The following DENND11 variants were observed in gnomAD, a reference collection of about 807,000 sequenced individuals.
The protein encoded by DENND11 is DENN domain-containing protein 11.
In DENND11, 34 loss-of-function variants were observed where a neutral mutation model predicts 49.2. The ratio of observed to expected loss-of-function variants is 0.69; its 90% confidence interval spans 0.53 to 0.92. The LOEUF is 0.92. Ranked by LOEUF, DENND11 falls within the 40% of genes least tolerant of loss-of-function variation. The pLI, the probability that DENND11 is intolerant of heterozygous loss-of-function variation, is 0.00. For missense variants in DENND11, 475 were observed against 581.6 expected (o/e 0.82, Z 1.88); for synonymous variants, 238 against 230.3 (o/e 1.03, Z -0.30).
rs1562992399 is a variant in DENND11, at chr7:141,659,728, G to A, written c.*2928C>T. 6.6e-6 allele frequency: 1 copy of A among 152,290 alleles called. No homozygotes were observed. Among genetic ancestry groups the A allele is most frequent in the Non-Finnish European group, 1.5e-5 (1 of 68,110 alleles). 9.4% of individuals were successfully genotyped at this position (152,290 alleles called of 1,614,324 possible). On this transcript the variant is annotated 3_prime_UTR_variant, in exon 9 of 9. Transcript: ENST00000536163. Reference sequence around the variant, plus strand: ...TTCACAGGAGAACTAGGCCTGCTCAGGCAGGCGAGGGCTGAGGCCCGGCAG... The same window carrying A: ...TTCACAGGAGAACTAGGCCTGCTCAAGCAGGCGAGGGCTGAGGCCCGGCAG...
intron 1 of DENND11, among the ~76,000 whole-genome samples, chr7:141,695,962 A>G (rs747632768): frequency 6.6e-6 from 1 of 152,240 alleles, no homozygotes; most frequent in Non-Finnish European, 1.5e-5. Flanking sequence ...ATATTGGTGG[A>G]GCACAACTTG....
chr7:141,678,224 A>C (rs1379304323), intron 3 of DENND11, among the ~76,000 whole-genome samples: 3 of 152,174 alleles, frequency 2.0e-5, no homozygotes, highest in African/African-American at 4.8e-5. Context: ...CGGCCTCCCA[A>C]AGTGCTAGGA....
chr7:141,675,879 T>C (rs1181285555), intron 3 of DENND11, among the ~76,000 whole-genome samples: 2 of 152,162 alleles, frequency 1.3e-5, no homozygotes, highest in African/African-American at 4.8e-5. Flanking sequence ...TTTTAAGTTT[T>C]GACAAGGAGG....
intron 3 of DENND11, among the ~76,000 whole-genome samples, chr7:141,677,521 G>GTA (rs71522151): frequency 0.14 from 18,703 of 132,272 alleles, 1,321 homozygotes; most frequent in Middle Eastern, 0.16. Context: ...ATATATATAT[G>GTA]TATATATATA....
At chr7:141,670,607 A>G in intron 4 of DENND11, among the ~76,000 whole-genome samples, 1 of 152,208 alleles carries the variant, frequency 6.6e-6, no homozygotes, top group Non-Finnish European at 1.5e-5. Context: ...GTTTATTAGG[A>G]TGTAGCCCCA....
intron 1 of DENND11, among the ~76,000 whole-genome samples, chr7:141,696,857 G>C (rs1584728267): frequency 6.6e-6 from 1 of 152,306 alleles, no homozygotes; most frequent in South Asian, 2.1e-4. Flanking sequence ...TTGACTTTGG[G>C]TCTTACATGG....
chr7:141,674,457 T>C (rs1282586046), intron 3 of DENND11, among the ~76,000 whole-genome samples: 2 of 152,188 alleles, frequency 1.3e-5, no homozygotes, highest in Non-Finnish European at 2.9e-5. Context: ...GACAACACCA[T>C]GGAACACATT....
chr7:141,672,152 G>T (rs1022827935), intron 4 of DENND11, among the ~76,000 whole-genome samples: 5 of 152,182 alleles, frequency 3.3e-5, no homozygotes, highest in Admixed American at 2.6e-4. Flanking sequence ...CACTGGCTGT[G>T]CAGGGACCCC....
At chr7:141,686,464 AC>A (rs35707772) in intron 2 of DENND11, 94 bp downstream of exon 2, 303,131 of 757,144 alleles carry the variant, frequency 0.4, 63,986 homozygotes, top group East Asian at 0.5. Flanking sequence ...TACACACAGC[AC>A]ACGAAGACCT....
At chr7:141,684,200 G>T (rs1273780785) in intron 3 of DENND11, among the ~76,000 whole-genome samples, 1 of 152,150 alleles carries the variant, frequency 6.6e-6, no homozygotes, top group Non-Finnish European at 1.5e-5. Context: ...GCCTCCTAAA[G>T]TGCTGGGATT....
intron 4 of DENND11, among the ~76,000 whole-genome samples, chr7:141,668,314 CTG>C (rs1246794455): frequency 1.3e-5 from 2 of 151,736 alleles, no homozygotes; most frequent in African/African-American, 4.8e-5. Flanking sequence ...AGGCCGGGTG[CTG>C]TGACTCATGC....
intron 1 of DENND11, among the ~76,000 whole-genome samples, chr7:141,690,421 T>C (rs1341925846): frequency 6.6e-6 from 1 of 152,202 alleles, no homozygotes; most frequent in African/African-American, 2.4e-5. Flanking sequence ...TTCAGAAGTT[T>C]ACTCTCTTCC....
Position 141,662,589 on chromosome 7 carries a change from G to T in DENND11, c.*67C>A. On this transcript the variant is annotated 3_prime_UTR_variant, in exon 9 of 9. Transcript: ENST00000536163. ...CTTAATAAAAAATGAGGCCCTCTGG[G>T]GCCCTGGGGTGAACTCCGGGCTGCT... 2 of 1,197,024 alleles carry T rather than the reference G, an allele frequency of 1.7e-6. No homozygotes were observed. The highest frequency in any genetic ancestry group is 2.3e-6 in the Non-Finnish European group (2 of 885,020). 74.2% of individuals were successfully genotyped at this position (1,197,024 alleles called of 1,614,324 possible). A position where few individuals can be genotyped will look rare whatever the true frequency, so the allele number is the denominator to read the frequency against.
At chr7:141,672,369 G>C (rs1303717095) in intron 4 of DENND11, among the ~76,000 whole-genome samples, 2 of 152,200 alleles carry the variant, frequency 1.3e-5, no homozygotes, top group Non-Finnish European at 2.9e-5. Context: ...TCCATGGTTA[G>C]GTTACAAAGG....
intron 8 of DENND11, chr7:141,663,516 T>G (rs889434110): frequency 6.8e-6 from 1 of 147,328 alleles, no homozygotes; most frequent in African/African-American, 2.5e-5. Context: ...TGTGCTCAAG[T>G]CTCAGATACT....
rs1259964114 is a variant in DENND11 at position 141,658,339 on chromosome 7, C to T, written c.*4317G>A. On this transcript the variant is annotated 3_prime_UTR_variant, in exon 9 of 9. Transcript: ENST00000536163. ...TGATAAAAATGGAATATTAAAAATC[C>T]ATGACTTGGGAGTAAACGGAGCCCT... 2 of 152,116 alleles carry T rather than the reference C, an allele frequency of 1.3e-5. No individual in the cohort carries two copies. The highest frequency in any genetic ancestry group is 4.8e-5 in the African/African-American group (2 of 41,412). The allele number at this position is 152,116 out of a possible 1,614,324, so 9.4% of individuals were successfully genotyped here. A position where few individuals can be genotyped will look rare whatever the true frequency, so the allele number is the denominator to read the frequency against.
chr7:141,674,214 C>T lies in DENND11; in HGVS notation c.534G>A (p.Gln178=), dbSNP rs754467823. ...MHFLENQVRH[Q]LEMPGHYSHL... is the part of the protein sequence containing the mutation. ...GAGAGTAATGTCCTGGCATCTCCAA[C>T]TGGTGCCTGCAGAAAAACACACACA... Residue 178 remains glutamine (Q), a synonymous_variant, in exon 4 of 9, where the codon CAG becomes CAA. Coordinates refer to ENST00000536163, the MANE Select transcript of DENND11 (RefSeq NM_001080392.2). The T allele has an allele frequency of 1.7e-5, 27 of 1,544,888 alleles. 1 individual carries two copies. The South Asian group carries it at 3.1e-4, about 18-fold the overall frequency.
At position 141,674,166 on chromosome 7, in the gene DENND11, G is replaced by T. The variant is rs1225670769; in HGVS notation, c.582C>A (p.Asp194Glu). 4.5e-6 allele frequency: 7 copies of T among 1,563,318 alleles called. No individual in the cohort carries two copies. The highest frequency in any genetic ancestry group is 1.4e-5 in the African/African-American group (1 of 73,138). The change falls in exon 4 of 9, where the codon GAC becomes GAA. Residue 194 changes from aspartate to glutamate, a missense_variant. Physicochemically the swap from Asp to Glu is conservative, Grantham distance 45. Transcript: ENST00000536163. ...GACCAGCATGGAGCACCCCCTTTTT[G>T]TCCTCATAGAAGGCAGCCAGATGAG... is the stretch of plus-strand genomic sequence containing the variant. ...HYSHLAAFYE[D>E]KKGVLHAGPG... is the part of the protein sequence containing the mutation.
chr7:141,698,762 C>T lies in DENND11; in HGVS notation c.268+3124G>A, dbSNP rs1165033641. Reference sequence around the variant, plus strand: ...ACACACCCTTTCTAACAAGGATCCACCCCTCCTTTTCCCTCTTACTCTACT... The same window carrying T: ...ACACACCCTTTCTAACAAGGATCCATCCCTCCTTTTCCCTCTTACTCTACT... On this transcript the variant is annotated intron_variant, in intron 1 of 8. Coordinates refer to ENST00000536163, the MANE Select transcript of DENND11 (RefSeq NM_001080392.2). 2.0e-5 allele frequency among the ~76,000 whole-genome samples: 3 copies of T among 152,138 alleles called. 1 individual carries two copies. Among genetic ancestry groups the T allele is most frequent in the Admixed American group, 2.0e-4 (3 of 15,272 alleles).
Sources: gnomAD v4.1 joint callset for allele counts (sites outside exome capture counted in the v4.1 genomes callset) on GRCh38, gnomAD v4.1.1 for gene constraint, MANE v1.5 for transcripts, NCBI Gene and HGNC (gene_info 2026-07-23, HGNC 2026-07-21) for gene names.